GALNT13: variants seen among roughly 807,000 people sequenced by gnomAD.
GALNT13 encodes the protein polypeptide N-acetylgalactosaminyltransferase 13, also known as UDP-GalNAc:polypeptide N-acetylgalactosaminyltransferase 13.
In GALNT13, 28 loss-of-function variants were observed where a neutral mutation model predicts 64.2. That is an observed-to-expected ratio of 0.44 (90% CI 0.32 to 0.60). The LOEUF (loss-of-function observed/expected upper bound fraction) is 0.60, where lower values mean the gene tolerates loss of function less well. Among genes scored for constraint, GALNT13 ranks in the 20% least tolerant of loss-of-function variants. GALNT13 has a pLI of 0.05. For synonymous variants in GALNT13, 214 were observed against 224.6 expected, an observed-to-expected ratio of 0.95 and a Z score of 0.42; for missense variants, 577 against 669.8, an observed-to-expected ratio of 0.86 and a Z score of 1.53.
chr2:153,317,138 ATAT>A, the GALNT13 span, among the ~76,000 whole-genome samples: 2 of 152,224 alleles, frequency 1.3e-5, no homozygotes, highest in East Asian at 3.8e-4. Flanking sequence ...GAAAATAGTA[ATAT>A]TAAGCAAGTA....
At chr2:153,721,958 T>C in the GALNT13 span, among the ~76,000 whole-genome samples, 2 of 149,464 alleles carry the variant, frequency 1.3e-5, no homozygotes, top group South Asian at 4.2e-4. Context: ...CAAGCGGACC[T>C]AATAGACATC....
chr2:154,300,342 A>G (rs1486238783), intron 8 of GALNT13, among the ~76,000 whole-genome samples: 1 of 151,878 alleles, frequency 6.6e-6, no homozygotes, highest in Non-Finnish European at 1.5e-5. Flanking sequence ...ACCTCACATG[A>G]TCTGCCCACC....
the GALNT13 span, among the ~76,000 whole-genome samples, chr2:153,781,171 G>A: frequency 6.6e-6 from 1 of 152,180 alleles, no homozygotes; most frequent in African/African-American, 2.4e-5. Context: ...TTGAATTGAA[G>A]TTTTGTTGCA....
the GALNT13 span, among the ~76,000 whole-genome samples, chr2:153,301,647 T>A: frequency 6.6e-6 from 1 of 152,222 alleles, no homozygotes; most frequent in Admixed American, 6.5e-5. Context: ...GAACTTATTC[T>A]TCCTGTGTAA....
chr2:153,986,973 C>A (rs1375967034), intron 3 of GALNT13, among the ~76,000 whole-genome samples: 1 of 151,714 alleles, frequency 6.6e-6, no homozygotes, highest in Non-Finnish European at 1.5e-5. Context: ...TGTTGTTTGG[C>A]AGTTAGTTTG....
the GALNT13 span, among the ~76,000 whole-genome samples, chr2:153,692,414 G>T: frequency 6.6e-6 from 1 of 152,128 alleles, no homozygotes; most frequent in Non-Finnish European, 1.5e-5. Flanking sequence ...CATCTTTAAA[G>T]ACTTGAAAGA....
chr2:153,766,968 A>T, the GALNT13 span, among the ~76,000 whole-genome samples: 11 of 152,094 alleles, frequency 7.2e-5, no homozygotes, highest in Non-Finnish European at 1.3e-4. Context: ...TGTAGTTTAG[A>T]TTTATGGGAT....
chr2:154,151,839 G>T (rs1684049327), intron 4 of GALNT13, among the ~76,000 whole-genome samples: 1 of 152,108 alleles, frequency 6.6e-6, no homozygotes. Flanking sequence ...CATGTGAGAT[G>T]GGTTTCCTGA....
At chr2:153,758,413 C>T in the GALNT13 span, among the ~76,000 whole-genome samples, 1 of 151,368 alleles carries the variant, frequency 6.6e-6, no homozygotes, top group Non-Finnish European at 1.5e-5. Context: ...ATTTTGAATT[C>T]AGATAGTGTA....
chr2:154,368,996 G>A (rs10199315), intron 9 of GALNT13, among the ~76,000 whole-genome samples: 97,154 of 136,852 alleles, frequency 0.71, 31,587 homozygotes, highest in East Asian at 0.78. Flanking sequence ...AGAAGACACC[G>A]AGTTGTTGTT....
the GALNT13 span, among the ~76,000 whole-genome samples, chr2:153,836,336 G>A: frequency 1.1e-3 from 167 of 151,732 alleles, no homozygotes; most frequent in African/African-American, 3.7e-3. Context: ...GTTTTCTTGC[G>A]GTTAGAACAC....
chr2:154,114,534 G>A (rs1004400833), intron 3 of GALNT13, among the ~76,000 whole-genome samples: 43 of 152,112 alleles, frequency 2.8e-4, no homozygotes, highest in African/African-American at 1.0e-3. Context: ...TCTCCTTGGG[G>A]AAGGATGGAA....
the GALNT13 span, among the ~76,000 whole-genome samples, chr2:153,529,056 A>G: frequency 9.2e-5 from 14 of 151,960 alleles, no homozygotes; most frequent in Non-Finnish European, 1.9e-4. Context: ...CAGTGGAATA[A>G]AGGAAATAAT....
downstream of GALNT13, among the ~76,000 whole-genome samples, chr2:154,454,359 A>G (rs116299385): frequency 6.5e-3 from 988 of 152,232 alleles, 15 homozygotes; most frequent in African/African-American, 0.023. Flanking sequence ...ATGGAAAAAT[A>G]TCTTCATTAA....
intron 3 of GALNT13, among the ~76,000 whole-genome samples, chr2:154,105,564 A>G (rs1377273524): frequency 1.3e-5 from 2 of 152,192 alleles, no homozygotes; most frequent in African/African-American, 2.4e-5. Flanking sequence ...TTATGTAAGT[A>G]CACTCTATGA....
chr2:153,745,565 G>T, the GALNT13 span, among the ~76,000 whole-genome samples: 1 of 152,060 alleles, frequency 6.6e-6, no homozygotes, highest in Non-Finnish European at 1.5e-5. Flanking sequence ...TAAATTCAAT[G>T]AAAGAAATTC....
the GALNT13 span, among the ~76,000 whole-genome samples, chr2:153,797,754 A>C: frequency 1.3e-5 from 2 of 152,304 alleles, no homozygotes; most frequent in South Asian, 4.1e-4. Context: ...TATGATAAAG[A>C]CAGGCAGTGC....
At chr2:153,887,222 A>G (rs1026975817) in intron 1 of GALNT13, among the ~76,000 whole-genome samples, 9 of 151,754 alleles carry the variant, frequency 5.9e-5, no homozygotes, top group African/African-American at 1.9e-4. Flanking sequence ...TGAGGTGACA[A>G]TGCATGAAAT....
the GALNT13 span, among the ~76,000 whole-genome samples, chr2:153,807,381 A>T: frequency 6.6e-6 from 1 of 152,020 alleles, no homozygotes; most frequent in Non-Finnish European, 1.5e-5. Flanking sequence ...AATATGTCTA[A>T]GCTACATTTT....
Sources: gnomAD v4.1 joint callset for allele counts (sites outside exome capture counted in the v4.1 genomes callset) on GRCh38, gnomAD v4.1.1 for gene constraint, MANE v1.5 for transcripts, NCBI Gene and HGNC (gene_info 2026-07-23, HGNC 2026-07-21) for gene names.